Variants in SMG1 observed in about 807,000 individuals in gnomAD.
SMG1 encodes SMG1 nonsense mediated mRNA decay associated PI3K related kinase, also known as serine/threonine-protein kinase SMG1.
In SMG1, 22 loss-of-function variants were observed where a neutral mutation model predicts 419.9. The ratio of observed to expected loss-of-function variants is 0.05; its 90% CI spans 0.04 to 0.07. SMG1 has a LOEUF of 0.07. Among genes scored for constraint, SMG1 ranks in the 10% least tolerant of loss-of-function variants. The probability of loss-of-function intolerance (pLI) is 1.00; values close to 1 mark genes in which losing one functional copy is unlikely to be tolerated. For synonymous variants in SMG1, 1,538 were observed against 1,553.5 expected, an observed-to-expected ratio of 0.99 and a Z score of 0.23; for missense variants, 3,185 against 4,342.0, an observed-to-expected ratio of 0.73 and a Z score of 7.49.
At position 18,836,198 on chromosome 16, in the gene SMG1, C is replaced by G. The variant is rs768480603; in HGVS notation, c.7792G>C (p.Val2598Leu). ...TQMDLGPPSY[V>L]PATAFLQNAG... ...TTCTGCAGAAAGGCTGTTGCTGGCA[C>G]GTAACTTGGAGGACCTTTTGGTAAA... Residue 2598 changes from valine (V) to leucine (L), a missense_variant, in exon 48 of 63, where the codon GTG becomes CTG. By Grantham distance (32) the Val-to-Leu change is conservative. Transcript: ENST00000446231. 6.2e-7 allele frequency: 1 copy of G among 1,611,736 alleles called. No individual in the cohort carries two copies. Among genetic ancestry groups the G allele is most frequent in the Middle Eastern group, 1.6e-4 (1 of 6,062 alleles).
chr16:18,832,847 C>T, intron 51 of SMG1, 93 bp downstream of exon 51: 1 of 1,135,220 alleles, frequency 8.8e-7, no homozygotes, highest in Non-Finnish European at 1.3e-6. Context: ...GCTCTAAAAA[C>T]TAAAAGTAAA....
intron 1 of SMG1, among the ~76,000 whole-genome samples, chr16:18,904,639 A>C (rs2037486551): frequency 6.6e-6 from 1 of 151,924 alleles, no homozygotes; most frequent in Admixed American, 6.6e-5. Context: ...TCTGTCTCAA[A>C]AAAAAATAAA....
At chr16:18,839,401 T>A (rs959249672) in intron 42 of SMG1, among the ~76,000 whole-genome samples, 1 of 152,112 alleles carries the variant, frequency 6.6e-6, no homozygotes, top group African/African-American at 2.4e-5. Context: ...TGTCCATGTG[T>A]GCTCAATGTT....
chr16:18,834,542 C>T (rs549602483), intron 49 of SMG1, 104 bp from the exon 50 acceptor site: 41 of 1,102,892 alleles, frequency 3.7e-5, no homozygotes, highest in African/African-American at 1.4e-4. Context: ...TTTGGGAGGC[C>T]GAGGCAGGTA....
chr16:18,887,753 C>A (rs1596600548), intron 6 of SMG1, among the ~76,000 whole-genome samples: 9 of 26,914 alleles, frequency 3.3e-4, no homozygotes, highest in South Asian at 1.3e-3. Flanking sequence ...TAAAGCATAT[C>A]AAAAACAGTA....
Position 18,852,396 on chromosome 16 carries a change from G to T in SMG1, c.4835C>A (p.Ala1612Glu). ...TGCCCAAGATTTGGCTACTTCAGGT[G>T]CCTGTACTGAAGACAGGTGATACAA... ...GQLYHLSSVQ[A>E]PEVAKSWAAL... The change falls in exon 32 of 63, where the codon GCA (alanine) becomes GAA (glutamate). Residue 1612 changes from alanine (A) to glutamate (E), a missense_variant. Physicochemically the swap from Ala to Glu is moderately radical, Grantham distance 107. Coordinates refer to ENST00000446231, the MANE Select transcript of SMG1 (RefSeq NM_015092.5). 6.2e-7 allele frequency: 1 copy of T among 1,613,690 alleles called. No individual in the cohort carries two copies. The highest frequency in any genetic ancestry group is 1.3e-5 in the African/African-American group (1 of 75,024).
chr16:18,829,831 G>A, intron 53 of SMG1, 76 bp from the exon 54 acceptor site: 1 of 1,437,650 alleles, frequency 7.0e-7, no homozygotes, highest in Non-Finnish European at 9.3e-7. Flanking sequence ...TATTTAAGGT[G>A]TCATGAATGT....
At chr16:18,831,053 T>C (rs1366649381) in intron 51 of SMG1, among the ~76,000 whole-genome samples, 1 of 152,216 alleles carries the variant, frequency 6.6e-6, no homozygotes, top group Non-Finnish European at 1.5e-5. Context: ...CAAGATACGA[T>C]ACAACCAAGT....
intron 49 of SMG1, 93 bp downstream of exon 49, chr16:18,834,799 C>G: frequency 7.3e-7 from 1 of 1,365,862 alleles, no homozygotes; most frequent in Non-Finnish European, 1.0e-6. Context: ...AGCTGTAACA[C>G]TTGGCAAGAC....
At chr16:18,901,006 A>C (rs2037323774) in intron 1 of SMG1, among the ~76,000 whole-genome samples, 1 of 152,228 alleles carries the variant, frequency 6.6e-6, no homozygotes, top group Admixed American at 6.5e-5. Context: ...CTAAAATATT[A>C]ATTTGAGAGG....
intron 1 of SMG1, among the ~76,000 whole-genome samples, chr16:18,904,497 G>A (rs1322662156): frequency 2.6e-5 from 4 of 151,500 alleles, no homozygotes; most frequent in Non-Finnish European, 5.9e-5. Context: ...AATTACCTGC[G>A]TGTGGTGGCA....
At chr16:18,811,086 A>G (rs1388921317) in intron 62 of SMG1, among the ~76,000 whole-genome samples, 2 of 152,232 alleles carry the variant, frequency 1.3e-5, no homozygotes, top group African/African-American at 4.8e-5. Context: ...CTTTACAAAC[A>G]TAGGTTGAGT....
intron 1 of SMG1, among the ~76,000 whole-genome samples, chr16:18,903,260 C>T (rs13335259): frequency 2.0e-5 from 3 of 152,290 alleles, no homozygotes; most frequent in East Asian, 1.9e-4. Flanking sequence ...AAGGAGCAAA[C>T]GAAGCCAGTA....
chr16:18,880,721 A>AAAGGG (rs760136125), intron 10 of SMG1, among the ~76,000 whole-genome samples: 37 of 63,938 alleles, frequency 5.8e-4, no homozygotes, highest in African/African-American at 2.1e-3. Flanking sequence ...CAAAAAAAAA[A>AAAGGG]GGGGGGGGGC....
At chr16:18,880,054 T>C (rs1226412367) in intron 10 of SMG1, among the ~76,000 whole-genome samples, 1 of 152,188 alleles carries the variant, frequency 6.6e-6, no homozygotes, top group Non-Finnish European at 1.5e-5. Flanking sequence ...ACAACAGTAA[T>C]GGTATTGACA....
chr16:18,812,224 C>T (rs2031480320), intron 60 of SMG1, 97 bp from the exon 61 acceptor site: 2 of 1,134,812 alleles, frequency 1.8e-6, no homozygotes, highest in African/African-American at 3.1e-5. Context: ...GGTTGATACC[C>T]CAATTAAATA....
intron 36 of SMG1, among the ~76,000 whole-genome samples, chr16:18,848,543 T>C (rs968698303): frequency 1.3e-5 from 2 of 151,930 alleles, no homozygotes; most frequent in African/African-American, 4.8e-5. Flanking sequence ...TGGCCTCAAA[T>C]GATCCACCCT....
chr16:18,811,659 TTCC>T, intron 62 of SMG1, 99 bp downstream of exon 62: 1 of 1,038,092 alleles, frequency 9.6e-7, no homozygotes, highest in African/African-American at 1.6e-5. Flanking sequence ...CACATTTAAG[TTCC>T]TTGATGAACT....
chr16:18,809,874 G>A (rs2031210533), intron 62 of SMG1, among the ~76,000 whole-genome samples: 1 of 151,836 alleles, frequency 6.6e-6, no homozygotes, highest in Non-Finnish European at 1.5e-5. Context: ...ATAAAGATAT[G>A]AAAAGCACAC....
Sources: gnomAD v4.1 joint callset for allele counts (sites outside exome capture counted in the v4.1 genomes callset) on GRCh38, gnomAD v4.1.1 for gene constraint, MANE v1.5 for transcripts, NCBI Gene and HGNC (gene_info 2026-07-23, HGNC 2026-07-21) for gene names.